Variants in BCL6 observed in about 807,000 individuals in gnomAD.
BCL6 encodes the protein BCL6 transcription repressor, also known as B-cell lymphoma 6 protein.
In BCL6, 7 loss-of-function variants were observed where a neutral mutation model predicts 59.5. The observed-to-expected ratio is 0.12, with a 90% CI of 0.07 to 0.22. The LOEUF is 0.22. Ranked by LOEUF, BCL6 falls within the 10% of genes least tolerant of loss-of-function variation. The pLI is 1.00. For missense variants in BCL6, 685 were observed against 939.4 expected (o/e 0.73, Z 3.54); for synonymous variants, 339 against 349.7 (o/e 0.97, Z 0.34).
chr3:187,735,833 C>G (rs1314025110), intron 1 of BCL6, among the ~76,000 whole-genome samples: 1 of 151,718 alleles, frequency 6.6e-6, no homozygotes, highest in Non-Finnish European at 1.5e-5. Context: ...TGTCTTCCCC[C>G]CTTTAAAAAA....
intron 1 of BCL6, among the ~76,000 whole-genome samples, chr3:187,743,037 T>C (rs1711670305): frequency 6.7e-6 from 1 of 149,902 alleles, no homozygotes; most frequent in African/African-American, 2.5e-5. Context: ...TTTTTTTAAG[T>C]TATTTATTAA....
intron 1 of BCL6, among the ~76,000 whole-genome samples, chr3:187,743,138 A>G (rs184940837): frequency 6.6e-6 from 1 of 152,254 alleles, no homozygotes; most frequent in African/African-American, 2.4e-5. Flanking sequence ...CTGTATTTCT[A>G]AACAGCCCTT....
In BCL6 at chr3:187,730,029, AG is replaced by A. The variant is rs1560151748; in HGVS notation, c.384-9del. 1 of 1,533,194 alleles carries A rather than the reference AG, an allele frequency of 6.5e-7. No homozygotes were observed. The highest frequency in any genetic ancestry group is 8.8e-7 in the Non-Finnish European group (1 of 1,140,914). The allele number at this position is 1,533,194 out of a possible 1,614,324, so 95.0% of individuals were successfully genotyped here. The stretch of plus-strand genomic sequence containing the variant: ...GAAACCATCTCTGCTTCACTGTGAA[AG>A]AAAAAAAGAGGAAAGACACCGGCCC... On this transcript the variant is annotated splice_polypyrimidine_tract_variant and intron_variant, in intron 4 of 9. Coordinates refer to ENST00000406870, the MANE Select transcript of BCL6 (RefSeq NM_001706.5).
chr3:187,728,229 A>G lies in BCL6; in HGVS notation c.1540+131T>C. The G allele has an allele frequency of 1.0e-5, 10 of 954,224 alleles. No homozygotes were observed. In the South Asian group the frequency reaches 1.8e-4, roughly 17 times the overall value. The allele number at this position is 954,224 out of a possible 1,614,324, so 59.1% of individuals were successfully genotyped here. On this transcript the variant is annotated intron_variant, in intron 6 of 9. Transcript: ENST00000406870. ...GTGGGATGAACGGCTGGTGACTTGGAGTGCCAGTGGACTTCCAATTGAGGA... is the reference window on the plus strand; with the variant it reads ...GTGGGATGAACGGCTGGTGACTTGGGGTGCCAGTGGACTTCCAATTGAGGA...
chr3:187,729,380 T>C lies in BCL6; in HGVS notation c.1025A>G (p.Asn342Ser). 1 of 1,613,300 alleles carries C rather than the reference T, an allele frequency of 6.2e-7. No individual in the cohort carries two copies. The highest frequency in any genetic ancestry group is 8.5e-7 in the Non-Finnish European group (1 of 1,179,762). Residue 342 changes from asparagine to serine, a missense_variant, in exon 5 of 10, where the codon AAC (asparagine) becomes AGC (serine). Around this residue, in one of 7 missense-constraint regions of BCL6, gnomAD observed 28 missense variants for 66.4 expected, o/e 0.42. Coordinates refer to ENST00000406870, the MANE Select transcript of BCL6 (RefSeq NM_001706.5). The surrounding 1 kb of genome is among the most constrained non-coding windows in gnomAD (Gnocchi z 5.6). ...ACTGCTGCAGGACTCTGTGGGCGAG[T>C]TGGGCTGGCAGTCAGATTTCTGGGG... ...QSPQKSDCQP[N>S]SPTESCSSKN...
Position 187,728,532 on chromosome 3 carries a change from G to T in BCL6, c.1368C>A (p.Gly456=). The change falls in exon 6 of 10, where the codon GGC becomes GGA. Residue 456 remains glycine, a synonymous_variant. Transcript: ENST00000406870. The part of the protein sequence containing the change: ...LNNIVNRSMT[G]SPRSSSESHS... ...GGCTCTCGCTGCTGCTGCGGGGAGA[G>T]CCCGTCATGGACCTATGGACAGGAG... 6.2e-7 allele frequency: 1 copy of T among 1,608,704 alleles called. No homozygotes were observed.
chr3:187,740,566 G>A (rs1003694941), intron 1 of BCL6, among the ~76,000 whole-genome samples: 1 of 152,134 alleles, frequency 6.6e-6, no homozygotes, highest in African/African-American at 2.4e-5. Context: ...TACTTCTAAG[G>A]AGCTGAGATA....
At chr3:187,734,958 T>C (rs929119767) in intron 1 of BCL6, 51 bp from the exon 2 acceptor site, 1 of 152,672 alleles carries the variant, frequency 6.5e-6, no homozygotes, top group African/African-American at 2.4e-5. Flanking sequence ...GAATGTAAGA[T>C]TGTCCACTAT....
Position 187,722,339 on chromosome 3 carries a change from A to G in BCL6, c.*119T>C. ...CCACCACCCCCAACCCCCAGCTATG[A>G]TTTGCACTAGTGGATGAAAGAGGCA... On this transcript the variant is annotated 3_prime_UTR_variant, in exon 10 of 10. Coordinates refer to ENST00000406870, the MANE Select transcript of BCL6 (RefSeq NM_001706.5). The G allele has an allele frequency of 7.7e-6, 2 of 258,554 alleles. No individual in the cohort carries two copies. The highest frequency in any genetic ancestry group is 1.2e-5 in the Non-Finnish European group (2 of 168,206). The allele number at this position is 258,554 out of a possible 1,614,324, so 16.0% of individuals were successfully genotyped here.
chr3:187,745,201 C>G (rs1178884481), intron 1 of BCL6, among the ~76,000 whole-genome samples: 1 of 152,046 alleles, frequency 6.6e-6, no homozygotes, highest in Non-Finnish European at 1.5e-5. Flanking sequence ...TATTTTAACA[C>G]CTGACAGCTA....
chr3:187,726,918 G>A lies in BCL6; in HGVS notation c.1541-20C>T, dbSNP rs1465637212. On this transcript the variant is annotated intron_variant, in intron 6 of 9. Coordinates refer to ENST00000406870, the MANE Select transcript of BCL6 (RefSeq NM_001706.5). ...CGTTCTCTGTTGGAGGGTGGTAGGG[G>A]GACACCAAAGTCAGCACGAGGAAGG... The A allele has an allele frequency of 6.2e-7, 1 of 1,613,214 alleles. No homozygotes were observed. The highest frequency in any genetic ancestry group is 8.5e-7 in the Non-Finnish European group (1 of 1,179,416).
chr3:187,745,153 C>G (rs555829850), intron 1 of BCL6, among the ~76,000 whole-genome samples: 4 of 152,240 alleles, frequency 2.6e-5, no homozygotes, highest in South Asian at 2.1e-4. Flanking sequence ...CAATCTATAT[C>G]CTATGGTGGG....
chr3:187,727,760 G>A (rs1161641258), intron 6 of BCL6, among the ~76,000 whole-genome samples: 1 of 152,182 alleles, frequency 6.6e-6, no homozygotes, highest in East Asian at 1.9e-4. Flanking sequence ...CCCTGATTAG[G>A]TACTACTGGG....
intron 1 of BCL6, among the ~76,000 whole-genome samples, chr3:187,744,965 GC>G (rs1379597631): frequency 6.6e-6 from 1 of 152,080 alleles, no homozygotes; most frequent in Non-Finnish European, 1.5e-5. Flanking sequence ...CCCCAGACTA[GC>G]CCGAATCACC....
chr3:187,733,624 G>A lies in BCL6; in HGVS notation c.70C>T (p.Arg24Cys), dbSNP rs746411980. The A allele has an allele frequency of 6.2e-7, 1 of 1,614,074 alleles. No homozygotes were observed. Among genetic ancestry groups the A allele is most frequent in the South Asian group, 1.1e-5 (1 of 91,076 alleles). Residue 24 changes from arginine (R) to cysteine (C), a missense_variant, in exon 3 of 10, where the codon CGT becomes TGT. Physicochemically the swap from Arg to Cys is radical, Grantham distance 180. This residue lies in a region of BCL6 where 102 missense variants were observed against 176.6 expected (regional missense o/e 0.58). Transcript: ENST00000406870. ...GTCAAGATGTCTCGACTCCGGAGAC[G>A]ATTAAGGTTGAGAAGAACATCACTG... ...HASDVLLNLN[R>C]LRSRDILTDV...
At chr3:187,744,820 A>G (rs1711825554) in intron 1 of BCL6, among the ~76,000 whole-genome samples, 5 of 152,236 alleles carry the variant, frequency 3.3e-5, no homozygotes, top group East Asian at 3.9e-4. Context: ...GAGCAAGGAA[A>G]GCAGTTTGCA....
chr3:187,728,950 C>T, intron 5 of BCL6, 100 bp downstream of exon 5: 4 of 1,449,240 alleles, frequency 2.8e-6, no homozygotes, highest in South Asian at 1.5e-5. Flanking sequence ...TGATTCCACA[C>T]CTCTAATAGG....
chr3:187,725,580 T>C lies in BCL6; in HGVS notation c.1758A>G (p.Pro586=), dbSNP rs1032264970. The change falls in exon 8 of 10, where the codon CCA becomes CCG. Residue 586 remains proline, a synonymous_variant. Coordinates refer to ENST00000406870, the MANE Select transcript of BCL6 (RefSeq NM_001706.5). The surrounding 1 kb of genome is among the most constrained non-coding windows in gnomAD (Gnocchi z 4.7). The part of the protein sequence containing the change: ...CNICGAQFNR[P]ANLKTHTRIH... ...TTCGAGTGTGGGTTTTCAGGTTGGCTGGCCGGTTGAACTGGGCCCCACAGA... is the reference window on the plus strand; with the variant it reads ...TTCGAGTGTGGGTTTTCAGGTTGGCCGGCCGGTTGAACTGGGCCCCACAGA... 2 of 1,614,222 alleles carry C rather than the reference T, an allele frequency of 1.2e-6. No individual in the cohort carries two copies. Among genetic ancestry groups the C allele is most frequent in the Non-Finnish European group, 1.7e-6 (2 of 1,180,038 alleles).
chr3:187,740,286 G>T (rs1432560029), intron 1 of BCL6, among the ~76,000 whole-genome samples: 3 of 152,054 alleles, frequency 2.0e-5, no homozygotes, highest in Non-Finnish European at 4.4e-5. Flanking sequence ...GTTAGGAAGG[G>T]GAAGAGAGCG....
Sources: gnomAD v4.1 joint callset for allele counts (sites outside exome capture counted in the v4.1 genomes callset) on GRCh38, gnomAD v4.1.1 for gene constraint, gnomAD v4.1.1 regional missense constraint, Gnocchi (gnomAD v3.1) non-coding constraint, MANE v1.5 for transcripts, NCBI Gene and HGNC (gene_info 2026-07-23, HGNC 2026-07-21) for gene names.